KAZN: variants seen among roughly 807,000 people sequenced by gnomAD.
The protein encoded by KAZN is kazrin, periplakin interacting protein, also known as kazrin.
Under a neutral mutation model 87.4 loss-of-function variants are expected in KAZN, and 40 were observed. The observed-to-expected ratio is 0.46, with a 90% CI of 0.36 to 0.60. KAZN has a LOEUF of 0.60. Ranked by LOEUF, KAZN falls within the 20% of genes least tolerant of loss-of-function variation. The pLI is 0.00. For missense variants in KAZN, 898 were observed against 1,073.9 expected, an observed-to-expected ratio of 0.84 and a Z score of 2.29; for synonymous variants, 466 against 458.3, an observed-to-expected ratio of 1.02 and a Z score of -0.22.
At chr1:14,539,729 A>G (rs912132325) in intron 2 of KAZN, among the ~76,000 whole-genome samples, 1 of 152,054 alleles carries the variant, frequency 6.6e-6, no homozygotes, top group Non-Finnish European at 1.5e-5. Flanking sequence ...GAAAAAAAAA[A>G]CGCCAGACGT....
intron 8 of KAZN, among the ~76,000 whole-genome samples, chr1:15,092,060 G>GGT (rs1640560909): frequency 7.0e-5 from 8 of 114,448 alleles, no homozygotes; most frequent in South Asian, 2.7e-4. Flanking sequence ...TTGTTTTTTT[G>GGT]TTTTTTTTTT....
At chr1:15,026,784 T>C (rs2102198494) in intron 2 of KAZN, among the ~76,000 whole-genome samples, 1 of 152,326 alleles carries the variant, frequency 6.6e-6, no homozygotes, top group Non-Finnish European at 1.5e-5. Flanking sequence ...TTTCTTATCA[T>C]TTTTCTCTAA....
In KAZN at chr1:14,923,453, C is replaced by T. The variant is rs1222469690; in HGVS notation, c.227-37231C>T. ...TTGCCTGGCCTTGTCACTGTTCCCC[C>T]ACCCACTCCCAGGGTCCAGGCTCTG... On this transcript the variant is annotated intron_variant, in intron 1 of 14. Transcript: ENST00000376030. This position sits in a 1 kb window ranked among gnomAD's most constrained non-coding sequence, Gnocchi z 4.2. Among the ~76,000 whole-genome samples the T allele has an allele frequency of 6.6e-6, 1 of 152,190 alleles. No homozygotes were observed. Among genetic ancestry groups the T allele is most frequent in the Non-Finnish European group, 1.5e-5 (1 of 68,038 alleles).
chr1:14,758,105 C>CTTTGT (rs1644623453), intron 1 of KAZN, among the ~76,000 whole-genome samples: 1 of 127,598 alleles, frequency 7.8e-6, no homozygotes, highest in Admixed American at 7.5e-5. Context: ...TTGTTTGTTT[C>CTTTGT]TTTGTTTTGT....
At chr1:14,092,740 ATT>A (rs1644035838) in intron 1 of KAZN, among the ~76,000 whole-genome samples, 1 of 151,684 alleles carries the variant, frequency 6.6e-6, no homozygotes, top group African/African-American at 2.4e-5. Context: ...TTTGTCCTTT[ATT>A]TTCTCCCCTT....
intron 11 of KAZN, 57 bp downstream of exon 11, chr1:15,101,831 G>T (rs1641082046): frequency 5.1e-6 from 6 of 1,166,090 alleles, no homozygotes; most frequent in Non-Finnish European, 6.2e-6. Context: ...TCCCCTCTTG[G>T]CATCTACTGT....
intron 1 of KAZN, among the ~76,000 whole-genome samples, chr1:14,919,702 CAT>C (rs1489671289): frequency 3.9e-5 from 6 of 152,184 alleles, no homozygotes; most frequent in African/African-American, 1.4e-4. Flanking sequence ...CAAATAGAAA[CAT>C]AAAAACATTT....
rs7516522 is a variant in KAZN at position 14,860,738 on chromosome 1, C to T, written c.227-99946C>T. 5.3e-5 allele frequency among the ~76,000 whole-genome samples: 8 copies of T among 152,204 alleles called. No homozygotes were observed. The South Asian group carries it at 6.2e-4, about 12-fold the overall frequency. On this transcript the variant is annotated intron_variant, in intron 1 of 14. Transcript: ENST00000376030. ...ACCTTATATGTTTGTATTCAACACA[C>T]GCATATGCTGAGTGGAGTTTAATTG...
chr1:14,352,927 T>A (rs1364993817), intron 2 of KAZN, among the ~76,000 whole-genome samples: 1 of 152,202 alleles, frequency 6.6e-6, no homozygotes, highest in East Asian at 1.9e-4. Flanking sequence ...TAGATTATGA[T>A]CATTTTACTA....
intron 1 of KAZN, among the ~76,000 whole-genome samples, chr1:14,900,176 C>T (rs985936735): frequency 2.0e-4 from 30 of 152,142 alleles, no homozygotes; most frequent in African/African-American, 6.3e-4. Context: ...CTGAGAGAAG[C>T]GAACAGCCTC....
intron 1 of KAZN, among the ~76,000 whole-genome samples, chr1:14,132,980 T>C (rs1645022238): frequency 6.6e-6 from 1 of 152,144 alleles, no homozygotes; most frequent in African/African-American, 2.4e-5. Flanking sequence ...ACAGTAAGGA[T>C]AGATGTGCAC....
At chr1:14,301,618 T>C (rs538647156) in intron 2 of KAZN, among the ~76,000 whole-genome samples, 1 of 152,344 alleles carries the variant, frequency 6.6e-6, no homozygotes, top group East Asian at 1.9e-4. Context: ...TTCACAAGCC[T>C]GTCAGCAGAT....
chr1:15,004,750 G>A (rs1030706282), intron 2 of KAZN, among the ~76,000 whole-genome samples: 1 of 152,080 alleles, frequency 6.6e-6, no homozygotes, highest in Admixed American at 6.6e-5. Context: ...TTAAATGGGG[G>A]GTTCAAATCC....
At chr1:13,990,917 A>G (rs759872994) in intron 1 of KAZN, among the ~76,000 whole-genome samples, 10 of 152,238 alleles carry the variant, frequency 6.6e-5, no homozygotes, top group Admixed American at 5.9e-4. Context: ...TTTTCATAAT[A>G]AGATATTAAG....
intron 1 of KAZN, among the ~76,000 whole-genome samples, chr1:14,796,210 A>C (rs988932406): frequency 6.6e-6 from 1 of 151,590 alleles, no homozygotes; most frequent in Non-Finnish European, 1.5e-5. Flanking sequence ...CCTGGGTCTC[A>C]CTCCTGCAAA....
At chr1:14,688,856 A>G (rs1355994457) in intron 1 of KAZN, among the ~76,000 whole-genome samples, 2 of 152,230 alleles carry the variant, frequency 1.3e-5, no homozygotes, top group South Asian at 2.1e-4. Context: ...ACAAATTTGG[A>G]CAAAATCATA....
At chr1:14,014,303 C>T (rs753262576) in intron 1 of KAZN, among the ~76,000 whole-genome samples, 5 of 151,998 alleles carry the variant, frequency 3.3e-5, no homozygotes, top group Non-Finnish European at 7.4e-5. Flanking sequence ...TCGCCTAGAC[C>T]AGGGTGCTTG....
At chr1:14,472,441 G>A (rs952605483) in intron 2 of KAZN, among the ~76,000 whole-genome samples, 13 of 152,116 alleles carry the variant, frequency 8.5e-5, no homozygotes, top group African/African-American at 2.7e-4. Flanking sequence ...TTATGACAAT[G>A]CCATATCAAC....
intron 2 of KAZN, among the ~76,000 whole-genome samples, chr1:14,252,235 T>G (rs1370461842): frequency 6.6e-6 from 1 of 152,224 alleles, no homozygotes; most frequent in Admixed American, 6.5e-5. Flanking sequence ...TCTGTTTTGG[T>G]CACAAAGATG....
Sources: gnomAD v4.1 joint callset for allele counts (sites outside exome capture counted in the v4.1 genomes callset) on GRCh38, gnomAD v4.1.1 for gene constraint, Gnocchi (gnomAD v3.1) non-coding constraint, MANE v1.5 for transcripts, NCBI Gene and HGNC (gene_info 2026-07-23, HGNC 2026-07-21) for gene names.